PDE1A: variants seen among roughly 807,000 people sequenced by gnomAD.
PDE1A encodes dual specificity calcium/calmodulin-dependent 3',5'-cyclic nucleotide phosphodiesterase 1A.
In PDE1A, 35 loss-of-function variants were observed where a neutral mutation model predicts 61.7. The observed-to-expected ratio is 0.57, with a 90% CI of 0.43 to 0.75. The LOEUF is 0.75. PDE1A is among the 30% of genes least tolerant of loss of function. The pLI is 0.00. For synonymous variants in PDE1A, 232 were observed against 213.2 expected (o/e 1.09, Z -0.77); for missense variants, 597 against 630.6 (o/e 0.95, Z 0.57).
chr2:182,214,616 T>C (rs1687994289), intron 7 of PDE1A, among the ~76,000 whole-genome samples: 1 of 150,432 alleles, frequency 6.6e-6, no homozygotes, highest in South Asian at 2.1e-4. Flanking sequence ...GTTGCAATCC[T>C]ACTCTCTGAT....
At chr2:182,533,755 A>G in the PDE1A span, among the ~76,000 whole-genome samples, 1 of 152,154 alleles carries the variant, frequency 6.6e-6, no homozygotes, top group African/African-American at 2.4e-5. Context: ...CTTTCAGGGT[A>G]TAGAGACATC....
At chr2:182,553,029 G>C in the PDE1A span, among the ~76,000 whole-genome samples, 1 of 152,312 alleles carries the variant, frequency 6.6e-6, no homozygotes, top group East Asian at 1.9e-4. Context: ...TGGGCTAAAG[G>C]CTTGCCATTG....
intron 2 of PDE1A, among the ~76,000 whole-genome samples, chr2:182,256,355 G>A (rs1229491743): frequency 6.7e-5 from 10 of 149,892 alleles, no homozygotes; most frequent in East Asian, 2.0e-4. Flanking sequence ...TTGTTCTTGC[G>A]ATAGTTTACT....
chr2:182,633,627 G>A, the PDE1A span, among the ~76,000 whole-genome samples: 17 of 152,188 alleles, frequency 1.1e-4, no homozygotes, highest in East Asian at 2.5e-3. Flanking sequence ...CTGGACCCAC[G>A]GCGTTCTCAT....
intron 2 of PDE1A, among the ~76,000 whole-genome samples, chr2:182,479,927 G>A (rs929077798): frequency 2.6e-5 from 4 of 151,842 alleles, no homozygotes; most frequent in African/African-American, 9.7e-5. Flanking sequence ...ATGATAAGCT[G>A]TTGAAAATTA....
the PDE1A span, among the ~76,000 whole-genome samples, chr2:182,678,829 T>C: frequency 3.9e-5 from 6 of 152,092 alleles, no homozygotes; most frequent in African/African-American, 1.4e-4. Context: ...AGAGGGTTGG[T>C]CAACAAGTAG....
the PDE1A span, among the ~76,000 whole-genome samples, chr2:182,591,680 C>A: frequency 6.6e-6 from 1 of 152,172 alleles, no homozygotes; most frequent in Non-Finnish European, 1.5e-5. Flanking sequence ...CTCCCCCAAG[C>A]TGTGACATCC....
the PDE1A span, among the ~76,000 whole-genome samples, chr2:182,688,866 AG>A: frequency 6.6e-6 from 1 of 152,208 alleles, no homozygotes; most frequent in Non-Finnish European, 1.5e-5. Context: ...AAAAAAAGGC[AG>A]GGGTTGCAAT....
Position 182,267,142 on chromosome 2 carries a change from T to A in PDE1A, c.54-2728A>T, listed in dbSNP as rs757701047. 2.4e-3 allele frequency among the ~76,000 whole-genome samples: 363 copies of A among 152,262 alleles called. 1 individual carries two copies. Among genetic ancestry groups the A allele is most frequent in the African/African-American group, 8.5e-3 (352 of 41,554 alleles). On this transcript the variant is annotated intron_variant, in intron 1 of 13. Coordinates refer to ENST00000351439, the Ensembl canonical transcript of PDE1A. The stretch of plus-strand genomic sequence containing the variant: ...ACTCACAACAGCCTGTGGTTGTTCC[T>A]AGGGGATTCATCCCATCTGCAACTA...
intron 1 of PDE1A, among the ~76,000 whole-genome samples, chr2:182,347,763 G>C (rs568615795): frequency 6.6e-6 from 1 of 152,206 alleles, no homozygotes; most frequent in East Asian, 1.9e-4. Context: ...ATAGTGCAAA[G>C]CCATAGAAGA....
intron 2 of PDE1A, among the ~76,000 whole-genome samples, chr2:182,495,295 T>C (rs997868034): frequency 6.6e-6 from 1 of 152,134 alleles, no homozygotes; most frequent in South Asian, 2.1e-4. Context: ...ATCCTCCCTT[T>C]CAGTATCTCA....
Position 182,522,155 on chromosome 2 carries a change from T to C in PDE1A, c.101+121A>G, listed in dbSNP as rs1301473447. 9 of 767,660 alleles carry C rather than the reference T, an allele frequency of 1.2e-5. No homozygotes were observed. The Admixed American group carries it at 1.4e-4, about 12-fold the overall frequency. 47.6% of individuals were successfully genotyped at this position (767,660 alleles called of 1,614,324 possible). A position where few individuals can be genotyped will look rare whatever the true frequency, so the allele number is the denominator to read the frequency against. ...GTTGTTAGCTGAGGTAGGCACATTT[T>C]ATTTTTCGAGAGAAAATCTTTCTAA... is the stretch of plus-strand genomic sequence containing the variant. On this transcript the variant is annotated intron_variant, in intron 2 of 14. Coordinates refer to the PDE1A transcript ENST00000410103.
intron 13 of PDE1A, among the ~76,000 whole-genome samples, chr2:182,154,084 T>C (rs1690937060): frequency 6.6e-6 from 1 of 152,208 alleles, no homozygotes; most frequent in Non-Finnish European, 1.5e-5. Context: ...ATGCAAACAT[T>C]TTGGCTTTCC....
chr2:182,643,186 C>T, the PDE1A span, among the ~76,000 whole-genome samples: 5 of 152,216 alleles, frequency 3.3e-5, no homozygotes, highest in African/African-American at 1.2e-4. Context: ...TGCTTCTGCT[C>T]CTCCAGCTCC....
chr2:182,709,903 T>C, the PDE1A span, among the ~76,000 whole-genome samples: 1 of 152,186 alleles, frequency 6.6e-6, no homozygotes, highest in Non-Finnish European at 1.5e-5. Context: ...TTTGTTTGTT[T>C]GTTTTTGTTT....
chr2:182,319,071 T>C (rs530313522), intron 1 of PDE1A, among the ~76,000 whole-genome samples: 1 of 152,306 alleles, frequency 6.6e-6, no homozygotes, highest in East Asian at 1.9e-4. Flanking sequence ...TTTCTCGTCA[T>C]GTATTGATTT....
chr2:182,521,593 T>C (rs141001642), intron 2 of PDE1A, among the ~76,000 whole-genome samples: 121 of 152,186 alleles, frequency 8.0e-4, no homozygotes, highest in African/African-American at 2.7e-3. Context: ...CTGAATAGCA[T>C]TGCAATTAAC....
the PDE1A span, among the ~76,000 whole-genome samples, chr2:182,595,369 C>A: frequency 6.6e-6 from 1 of 152,192 alleles, no homozygotes; most frequent in Non-Finnish European, 1.5e-5. Flanking sequence ...AAAGAAACTG[C>A]ACAACTGATT....
intron 3 of PDE1A, among the ~76,000 whole-genome samples, chr2:182,234,789 T>C (rs918515088): frequency 6.6e-6 from 1 of 152,228 alleles, no homozygotes; most frequent in Non-Finnish European, 1.5e-5. Flanking sequence ...TGCACTACAC[T>C]TTGCATATGC....
Sources: gnomAD v4.1 joint callset for allele counts (sites outside exome capture counted in the v4.1 genomes callset) on GRCh38, gnomAD v4.1.1 for gene constraint, MANE v1.5 for transcripts, NCBI Gene and HGNC (gene_info 2026-07-23, HGNC 2026-07-21) for gene names.